Variants in DNAH8 observed in about 807,000 individuals in gnomAD.
DNAH8 encodes axonemal beta dynein heavy chain 8.
In DNAH8, 382 loss-of-function variants were observed where a neutral mutation model predicts 562.1. The observed-to-expected ratio is 0.68, with a 90% CI of 0.63 to 0.74. The LOEUF (loss-of-function observed/expected upper bound fraction) is 0.74, where lower values mean the gene tolerates loss of function less well. Ranked by LOEUF, DNAH8 falls within the 30% of genes least tolerant of loss-of-function variation. The pLI, the probability that DNAH8 is intolerant of heterozygous loss-of-function variation, is 0.00. For missense variants in DNAH8, 5,203 were observed against 5,620.4 expected, an observed-to-expected ratio of 0.93 and a Z score of 2.37; for synonymous variants, 1,881 against 1,919.4, an observed-to-expected ratio of 0.98 and a Z score of 0.52.
intron 89 of DNAH8, 28 bp from the exon 90 acceptor site, chr6:39,012,187 C>T (rs756640951): frequency 3.2e-6 from 5 of 1,547,308 alleles, no homozygotes; most frequent in Non-Finnish European, 4.4e-6. Context: ...AGAAAATCTC[C>T]TTTATTGCAT....
intron 79 of DNAH8, 115 bp from the exon 80 acceptor site, chr6:38,945,352 C>T: frequency 8.9e-7 from 1 of 1,127,834 alleles, no homozygotes; most frequent in South Asian, 1.6e-5. Context: ...TATTATTTTC[C>T]AATTTTCCTA....
intron 88 of DNAH8, 27 bp from the exon 89 acceptor site, chr6:39,008,787 T>A: frequency 6.6e-7 from 1 of 1,511,144 alleles, no homozygotes; most frequent in Non-Finnish European, 9.1e-7. Context: ...CCCTGTAACA[T>A]TCTGAACAGC....
rs1014638570 is a variant in DNAH8, at chr6:38,873,802, C to A, written c.7620+426C>A. On this transcript the variant is annotated intron_variant, in intron 52 of 92. Coordinates refer to ENST00000327475, the MANE Select transcript of DNAH8 (RefSeq NM_001206927.2). Reference sequence around the variant, plus strand: ...CTCCAGCTGGGGCGACAGAGTGAGACCCTGTCTCAAAATAAATAAATAAGT... The same window carrying A: ...CTCCAGCTGGGGCGACAGAGTGAGAACCTGTCTCAAAATAAATAAATAAGT... Among the ~76,000 whole-genome samples the A allele has an allele frequency of 4.7e-5, 7 of 148,080 alleles. No homozygotes were observed. The East Asian group carries it at 1.4e-3, about 30-fold the overall frequency.
At chr6:38,884,826 G>A (rs1379067834) in intron 56 of DNAH8, among the ~76,000 whole-genome samples, 1 of 152,154 alleles carries the variant, frequency 6.6e-6, no homozygotes, top group Non-Finnish European at 1.5e-5. Context: ...GGTTCTAGTT[G>A]TGGTCATCTA....
intron 12 of DNAH8, among the ~76,000 whole-genome samples, chr6:38,772,586 A>G (rs1196514804): frequency 2.0e-5 from 3 of 152,128 alleles, no homozygotes; most frequent in Non-Finnish European, 4.4e-5. Context: ...AGTTCTTTAT[A>G]TATGCTGGGT....
chr6:38,800,971 GT>G (rs529179879), intron 21 of DNAH8, among the ~76,000 whole-genome samples: 23 of 151,954 alleles, frequency 1.5e-4, no homozygotes, highest in Admixed American at 7.9e-4. Flanking sequence ...ATGATTTACA[GT>G]TTTTTTTCTC....
At chr6:38,730,813 C>T (rs1438505151) in intron 4 of DNAH8, among the ~76,000 whole-genome samples, 1 of 152,102 alleles carries the variant, frequency 6.6e-6, no homozygotes, top group Non-Finnish European at 1.5e-5. Flanking sequence ...CTTTTAAGCC[C>T]CTCTTCATTG....
chr6:38,781,916 T>C (rs1340544269), intron 16 of DNAH8, among the ~76,000 whole-genome samples: 1 of 152,220 alleles, frequency 6.6e-6, no homozygotes, highest in Non-Finnish European at 1.5e-5. Flanking sequence ...TTGTCTTTTC[T>C]TTGTCCTTAT....
intron 23 of DNAH8, among the ~76,000 whole-genome samples, chr6:38,806,519 A>G (rs556914260): frequency 1.3e-5 from 2 of 152,262 alleles, no homozygotes; most frequent in South Asian, 4.2e-4. Flanking sequence ...ACACTGGCTG[A>G]AGTCCTTAGA....
rs377254876 is a variant in DNAH8 at position 38,874,068 on chromosome 6, T to TTCTCTTTC, written c.7620+693_7620+694insCTCTTTCT. On this transcript the variant is annotated intron_variant, in intron 52 of 92. Transcript: ENST00000327475. Reference sequence around the variant, plus strand: ...TTTCTTTCTTTCTTTCTTTCTTTCTTTTTCTTTCTTTCTTTCTTTCTTTCT... The same window carrying TTCTCTTTC: ...TTTCTTTCTTTCTTTCTTTCTTTCTTTCTCTTTCTTTCTTTCTTTCTTTCTTTCTTTCT... Among the ~76,000 whole-genome samples, 6 of 57,062 alleles carry TTCTCTTTC rather than the reference T, an allele frequency of 1.1e-4. 2 individuals carry two copies. Among genetic ancestry groups the TTCTCTTTC allele is most frequent in the Non-Finnish European group, 2.1e-4 (6 of 28,488 alleles). 37.4% of individuals were successfully genotyped at this position (57,062 alleles called of 152,430 possible). A position where few individuals can be genotyped will look rare whatever the true frequency, so the allele number is the denominator to read the frequency against.
chr6:38,956,110 C>G (rs1015708154), intron 82 of DNAH8, among the ~76,000 whole-genome samples: 2 of 152,210 alleles, frequency 1.3e-5, no homozygotes, highest in African/African-American at 4.8e-5. Context: ...TTGTCTCCAA[C>G]CACCCTCAGC....
rs762717515 is a variant in DNAH8, at chr6:38,873,727, TACACACACACACACAC to T, written c.7620+378_7620+393del. ...ATAAATAAAAAATAACACATACACC[TACACACACACACACAC>T]ACACACACACACACACACACACACA... On this transcript the variant is annotated intron_variant, in intron 52 of 92. Transcript: ENST00000327475. 8.2e-3 allele frequency among the ~76,000 whole-genome samples: 790 copies of T among 96,480 alleles called. 6 individuals are homozygous for T. Among genetic ancestry groups the T allele is most frequent in the South Asian group, 0.05 (106 of 2,126 alleles). The allele number at this position is 96,480 out of a possible 152,430, so 63.3% of individuals were successfully genotyped here. A position where few individuals can be genotyped will look rare whatever the true frequency, so the allele number is the denominator to read the frequency against.
At chr6:38,751,839 G>A (rs1250234709) in intron 9 of DNAH8, among the ~76,000 whole-genome samples, 1 of 152,210 alleles carries the variant, frequency 6.6e-6, no homozygotes, top group Non-Finnish European at 1.5e-5. Flanking sequence ...ATTTTTCCTG[G>A]ATATTACTTC....
In DNAH8 at chr6:38,839,103, G is replaced by A. The variant is rs371696123; in HGVS notation, c.4466+1061G>A. 1.2e-4 allele frequency among the ~76,000 whole-genome samples: 18 copies of A among 152,052 alleles called. No individual in the cohort carries two copies. The South Asian group carries it at 1.9e-3, about 16-fold the overall frequency. On this transcript the variant is annotated intron_variant, in intron 33 of 92. Transcript: ENST00000327475. Reference sequence around the variant, plus strand: ...CATTAGCCAATTGTGTTAGAATTGCGGATGTCTGGCCCTCATTTCTGATTT... The same window carrying A: ...CATTAGCCAATTGTGTTAGAATTGCAGATGTCTGGCCCTCATTTCTGATTT...
chr6:38,889,392 A>G (rs1337101781), intron 57 of DNAH8, among the ~76,000 whole-genome samples: 1 of 152,216 alleles, frequency 6.6e-6, no homozygotes, highest in Non-Finnish European at 1.5e-5. Context: ...GATTATATTA[A>G]AGAGAGGTGG....
At chr6:38,774,579 T>G (rs984021148) in intron 12 of DNAH8, among the ~76,000 whole-genome samples, 14 of 152,168 alleles carry the variant, frequency 9.2e-5, no homozygotes, top group Non-Finnish European at 1.5e-4. Flanking sequence ...CATGTCTGCC[T>G]CAGATGACCC....
chr6:38,723,747 G>A (rs183189288), intron 3 of DNAH8, among the ~76,000 whole-genome samples: 210 of 152,028 alleles, frequency 1.4e-3, no homozygotes, highest in Middle Eastern at 0.01. Context: ...ATGGTGGTCC[G>A]TACCTGTGGT....
chr6:38,730,860 C>A (rs891676079), intron 4 of DNAH8, among the ~76,000 whole-genome samples: 2 of 152,122 alleles, frequency 1.3e-5, no homozygotes, highest in African/African-American at 4.8e-5. Flanking sequence ...TTCCCTTTCT[C>A]TCCTCACCTG....
chr6:38,888,267 T>C (rs1371592152), intron 57 of DNAH8, among the ~76,000 whole-genome samples: 1 of 152,090 alleles, frequency 6.6e-6, no homozygotes, highest in Non-Finnish European at 1.5e-5. Context: ...GACCTAAATA[T>C]GGAAGGCAAG....
Sources: gnomAD v4.1 joint callset for allele counts (sites outside exome capture counted in the v4.1 genomes callset) on GRCh38, gnomAD v4.1.1 for gene constraint, MANE v1.5 for transcripts, NCBI Gene and HGNC (gene_info 2026-07-23, HGNC 2026-07-21) for gene names.